TYR: variants seen among roughly 807,000 people sequenced by gnomAD.
TYR encodes LB24-AB.
A neutral mutation model predicts 51.5 loss-of-function variants in TYR; 58 were observed. The ratio of observed to expected loss-of-function variants is 1.13; its 90% CI spans 0.91 to 1.40. The LOEUF is 1.40. Ranked by LOEUF, TYR falls within the 40% of genes most tolerant of loss-of-function variation. TYR has a pLI of 0.00. For synonymous variants in TYR, 263 were observed against 235.2 expected (o/e 1.12, Z -1.08); for missense variants, 732 against 647.4 (o/e 1.13, Z -1.42).
chr11:89,274,613 C>T (rs955065388), intron 3 of TYR, among the ~76,000 whole-genome samples: 1 of 151,818 alleles, frequency 6.6e-6, no homozygotes, highest in Non-Finnish European at 1.5e-5. Context: ...TAAACTGAGA[C>T]TTCCAGAGAT....
chr11:89,178,876 A>T (rs914990388), intron 1 of TYR, 104 bp downstream of exon 1: 1 of 1,173,126 alleles, frequency 8.5e-7, no homozygotes, highest in African/African-American at 1.5e-5. Context: ...TGCAGCCCCC[A>T]TCAAGGACAG....
Position 89,243,141 on chromosome 11 carries a change from G to A in TYR, c.1184+15171G>A, listed in dbSNP as rs11018548. Among the ~76,000 whole-genome samples the A allele has an allele frequency of 2.1e-3, 314 of 152,262 alleles. 14 individuals carry two copies. The East Asian group carries it at 0.053, about 26-fold the overall frequency. On this transcript the variant is annotated intron_variant, in intron 3 of 4. Transcript: ENST00000263321. ...TAGGTTTTGCATTATTCCAGAGCGG[G>A]CATGGCAAAGGAATACAGTGCTTTA... is the stretch of plus-strand genomic sequence containing the variant.
chr11:89,191,900 A>AT (rs1943450798), intron 2 of TYR: 1 of 311,752 alleles, frequency 3.2e-6, no homozygotes, highest in Non-Finnish European at 6.2e-6. Context: ...AAAGAGAAAA[A>AT]TTAATTTCAT....
At chr11:89,270,885 A>G (rs948163572) in intron 3 of TYR, among the ~76,000 whole-genome samples, 1 of 152,000 alleles carries the variant, frequency 6.6e-6, no homozygotes, top group African/African-American at 2.4e-5. Context: ...AGGACATATA[A>G]TGACCAATAA....
intron 1 of TYR, among the ~76,000 whole-genome samples, chr11:89,187,787 T>C (rs1482791475): frequency 6.6e-6 from 1 of 152,080 alleles, no homozygotes; most frequent in Non-Finnish European, 1.5e-5. Context: ...AGTTTTCAAA[T>C]GTCTTTGTGT....
chr11:89,273,883 A>G (rs1176494597), intron 3 of TYR, among the ~76,000 whole-genome samples: 2 of 151,752 alleles, frequency 1.3e-5, no homozygotes, highest in Non-Finnish European at 2.9e-5. Context: ...TCTCCTCTCC[A>G]TCCCTGCCCA....
intron 3 of TYR, among the ~76,000 whole-genome samples, chr11:89,272,317 A>C (rs1944598006): frequency 6.6e-6 from 1 of 151,900 alleles, no homozygotes; most frequent in African/African-American, 2.4e-5. Context: ...GAATGAAAGC[A>C]ATATTCATCT....
At chr11:89,186,101 C>CATGGA (rs1454900426) in intron 1 of TYR, among the ~76,000 whole-genome samples, 1 of 152,088 alleles carries the variant, frequency 6.6e-6, no homozygotes, top group Non-Finnish European at 1.5e-5. Flanking sequence ...CAATCAGAGT[C>CATGGA]ATGGAATGGA....
rs1944894992 is a variant in TYR at position 89,295,246 on chromosome 11, C to T, written c.1470C>T (p.Ala490=). Reference sequence around the variant, plus strand: ...CGATGGTAGGGGCCGTCCTCACTGCCCTGCTGGCAGGGCTTGTGAGCTTGC... The same window carrying T: ...CGATGGTAGGGGCCGTCCTCACTGCTCTGCTGGCAGGGCTTGTGAGCTTGC... ...GAAMVGAVLT[A]LLAGLVSLLC... Residue 490 remains alanine, a synonymous_variant, in exon 5 of 5, where the codon GCC becomes GCT. Coordinates refer to ENST00000263321, the MANE Select transcript of TYR (RefSeq NM_000372.5). 2 of 1,613,844 alleles carry T rather than the reference C, an allele frequency of 1.2e-6. No individual in the cohort carries two copies. The highest frequency in any genetic ancestry group is 2.7e-5 in the African/African-American group (2 of 74,922).
chr11:89,273,881 C>T (rs1007015843), intron 3 of TYR, among the ~76,000 whole-genome samples: 5 of 151,856 alleles, frequency 3.3e-5, no homozygotes, highest in African/African-American at 9.7e-5. Context: ...AGTCTCCTCT[C>T]CATCCCTGCC....
intron 1 of TYR, among the ~76,000 whole-genome samples, chr11:89,184,372 A>G (rs1943340703): frequency 6.6e-6 from 1 of 152,294 alleles, no homozygotes; most frequent in Non-Finnish European, 1.5e-5. Context: ...ACATACTTGT[A>G]GCGTCCAGTT....
intron 3 of TYR, among the ~76,000 whole-genome samples, chr11:89,236,559 C>T (rs1944116565): frequency 6.6e-6 from 1 of 152,106 alleles, no homozygotes; most frequent in South Asian, 2.1e-4. Flanking sequence ...TCTGATGATT[C>T]AATTATCATT....
intron 3 of TYR, among the ~76,000 whole-genome samples, chr11:89,271,658 A>G (rs965781655): frequency 6.6e-6 from 1 of 151,864 alleles, no homozygotes; most frequent in Non-Finnish European, 1.5e-5. Context: ...AGTTTGCTAC[A>G]TTGATTGACT....
intron 3 of TYR, among the ~76,000 whole-genome samples, chr11:89,281,787 A>G (rs554474112): frequency 4.0e-5 from 6 of 151,868 alleles, no homozygotes; most frequent in South Asian, 2.1e-4. Flanking sequence ...GCCAGCTTTT[A>G]TTTATAAAAC....
intron 2 of TYR, among the ~76,000 whole-genome samples, chr11:89,222,211 G>T (rs1943920785): frequency 6.6e-6 from 1 of 152,124 alleles, no homozygotes; most frequent in African/African-American, 2.4e-5. Flanking sequence ...ATGAGCTCAG[G>T]TTTAGAGAAT....
intron 2 of TYR, among the ~76,000 whole-genome samples, chr11:89,195,630 G>C (rs531464522): frequency 6.6e-6 from 1 of 152,068 alleles, no homozygotes; most frequent in African/African-American, 2.4e-5. Flanking sequence ...AGTGAGCCTA[G>C]ATCATGCCAC....
At chr11:89,257,864 A>G (rs1347369195) in intron 3 of TYR, among the ~76,000 whole-genome samples, 1 of 152,058 alleles carries the variant, frequency 6.6e-6, no homozygotes, top group African/African-American at 2.4e-5. Context: ...GTCTTCCATT[A>G]AATTATTGAA....
chr11:89,197,775 T>C (rs1565394401), intron 2 of TYR, among the ~76,000 whole-genome samples: 1 of 152,154 alleles, frequency 6.6e-6, no homozygotes, highest in Non-Finnish European at 1.5e-5. Flanking sequence ...AAGTTCAGGA[T>C]GATTCTGACA....
At chr11:89,190,862 A>G (rs1469617379) in intron 1 of TYR, among the ~76,000 whole-genome samples, 3 of 152,118 alleles carry the variant, frequency 2.0e-5, no homozygotes, top group African/African-American at 7.2e-5. Context: ...AGATGTATAG[A>G]TACTTGCCAT....
Sources: allele counts gnomAD v4.1 joint callset (sites outside exome capture counted in the v4.1 genomes callset), GRCh38; gene constraint gnomAD v4.1.1; transcripts MANE v1.5; gene names NCBI Gene and HGNC (gene_info 2026-07-23, HGNC 2026-07-21).